DOCK10: variants seen among roughly 807,000 people sequenced by gnomAD.
The protein encoded by DOCK10 is dedicator of cytokinesis protein 10.
A neutral mutation model predicts 280.1 loss-of-function variants in DOCK10; 145 were observed. The observed-to-expected ratio is 0.52, with a 90% CI of 0.45 to 0.59. The LOEUF is 0.59. Ranked by LOEUF, DOCK10 falls within the 20% of genes least tolerant of loss-of-function variation. The pLI, the probability that DOCK10 is intolerant of heterozygous loss-of-function variation, is 0.00. For synonymous variants in DOCK10, 915 were observed against 942.2 expected (o/e 0.97, Z 0.53); for missense variants, 2,368 against 2,651.7 (o/e 0.89, Z 2.35).
intron 1 of DOCK10, among the ~76,000 whole-genome samples, chr2:224,994,670 G>A (rs1034756723): frequency 3.3e-5 from 5 of 152,132 alleles, no homozygotes; most frequent in Admixed American, 1.3e-4. Flanking sequence ...ATCCAGTGTC[G>A]ACAGACAAGA....
In DOCK10 at chr2:224,960,730, C is replaced by CTTTTTTTTTTTTTT. The variant is rs71281764; in HGVS notation, c.124-29076_124-29063dup. Among the ~76,000 whole-genome samples the CTTTTTTTTTTTTTT allele has an allele frequency of 2.8e-5, 2 of 70,258 alleles. 1 individual carries two copies. Among genetic ancestry groups the CTTTTTTTTTTTTTT allele is most frequent in the African/African-American group, 1.1e-4 (2 of 18,488 alleles). 46.1% of individuals were successfully genotyped at this position (70,258 alleles called of 152,430 possible). On this transcript the variant is annotated intron_variant, in intron 1 of 55. Coordinates refer to ENST00000258390, the MANE Select transcript of DOCK10 (RefSeq NM_014689.3). ...TGCACAATGAACGCATCACCAAATT[C>CTTTTTTTTTTTTTT]TTTTTTTTTTTTTTTTTTTTTTTTT...
chr2:224,845,701 C>T, intron 19 of DOCK10, 59 bp from the exon 20 acceptor site: 2 of 1,474,022 alleles, frequency 1.4e-6, no homozygotes, highest in East Asian at 4.6e-5. Context: ...AATATCAGAG[C>T]AAGACAAAGC....
chr2:224,769,029 C>T (rs1574779123), intron 55 of DOCK10: 4 of 423,632 alleles, frequency 9.4e-6, no homozygotes, highest in Non-Finnish European at 9.3e-6. Flanking sequence ...AGCATTCCTT[C>T]ACCACCTTCC....
At chr2:224,895,484 CA>C (rs1226607030) in intron 4 of DOCK10, among the ~76,000 whole-genome samples, 3 of 152,134 alleles carry the variant, frequency 2.0e-5, no homozygotes, top group African/African-American at 7.2e-5. Context: ...TGAGCAACTC[CA>C]AACCCATCCA....
In DOCK10 at chr2:224,805,371, C is replaced by T; in HGVS notation, c.3936+37G>A. On this transcript the variant is annotated intron_variant, in intron 35 of 55. Coordinates refer to ENST00000258390, the MANE Select transcript of DOCK10 (RefSeq NM_014689.3). The surrounding 1 kb of genome is among the most constrained non-coding windows in gnomAD (Gnocchi z 4.3). ...TTGAGTGAGAGTGAGTGACCTCTGC[C>T]TTGTAATGATCAGTAGGTTTGAGAG... The T allele has an allele frequency of 5.6e-6, 9 of 1,612,752 alleles. No homozygotes were observed. Among genetic ancestry groups the T allele is most frequent in the Non-Finnish European group, 7.6e-6 (9 of 1,179,182 alleles).
At chr2:224,788,960 A>G in intron 48 of DOCK10, 104 bp downstream of exon 48, 1 of 684,654 alleles carries the variant, frequency 1.5e-6, no homozygotes, top group South Asian at 2.2e-5. Context: ...ATTAAGTTAT[A>G]TTATAAAATA....
chr2:224,974,548 A>C (rs1705291707), intron 1 of DOCK10, among the ~76,000 whole-genome samples: 1 of 151,992 alleles, frequency 6.6e-6, no homozygotes, highest in Non-Finnish European at 1.5e-5. Flanking sequence ...CGTTTAGAGA[A>C]AATCCTAAAA....
At chr2:224,958,474 C>T (rs966510875) in intron 1 of DOCK10, among the ~76,000 whole-genome samples, 2 of 152,114 alleles carry the variant, frequency 1.3e-5, no homozygotes, top group Non-Finnish European at 2.9e-5. Context: ...GCCTCTCTTC[C>T]CCTGCACACT....
At chr2:224,767,346 T>C (rs1445960484) in intron 55 of DOCK10, among the ~76,000 whole-genome samples, 1 of 152,144 alleles carries the variant, frequency 6.6e-6, no homozygotes, top group Non-Finnish European at 1.5e-5. Context: ...GTATTTTTAG[T>C]AGAGATGGGA....
At chr2:225,017,096 G>T in intron 1 of DOCK10, among the ~76,000 whole-genome samples, 1 of 87,646 alleles carries the variant, frequency 1.1e-5, no homozygotes, top group Admixed American at 1.2e-4. Context: ...AGATGAAACT[G>T]AATAAAATTA....
intron 1 of DOCK10, among the ~76,000 whole-genome samples, chr2:225,025,061 C>T (rs528012796): frequency 5.9e-5 from 9 of 152,204 alleles, no homozygotes; most frequent in African/African-American, 1.4e-4. Flanking sequence ...AGTAAATAAA[C>T]GTTCTAGGAA....
chr2:224,807,774 G>A lies in DOCK10; in HGVS notation c.3596C>T (p.Ala1199Val). 3.8e-6 allele frequency: 6 copies of A among 1,568,752 alleles called. No individual in the cohort carries two copies. Among genetic ancestry groups the A allele is most frequent in the Non-Finnish European group, 4.3e-6 (5 of 1,155,818 alleles). ...DDRYREPRKQ[A>V]QIASLYMPLY... ...GGGCATGTATAAACTTGCTATCTGG[G>A]CCTGCTTTCTCTAGGAGAAAAGGTA... The change falls in exon 33 of 56, where the codon GCC (alanine) becomes GTC (valine). Residue 1199 changes from alanine (A) to valine (V), a missense_variant. Ala to Val is a moderately conservative substitution (Grantham distance 64). This residue lies in a region of DOCK10 where 1,159 missense variants were observed against 1,400.8 expected (regional missense o/e 0.83). Coordinates refer to ENST00000258390, the MANE Select transcript of DOCK10 (RefSeq NM_014689.3).
intron 1 of DOCK10, among the ~76,000 whole-genome samples, chr2:225,016,608 CATATATCT>C (rs1267726461): frequency 0.048 from 4,859 of 101,264 alleles, 665 homozygotes; most frequent in African/African-American, 0.11. Flanking sequence ...CACATAGATA[CATATATCT>C]ATGTGCACAT....
chr2:224,877,197 C>T (rs1574979436), intron 7 of DOCK10, among the ~76,000 whole-genome samples: 1 of 152,194 alleles, frequency 6.6e-6, no homozygotes, highest in African/African-American at 2.4e-5. Flanking sequence ...CTCAATTTTC[C>T]AGTCTAGGAC....
At chr2:224,825,904 C>T (rs1349824698) in intron 27 of DOCK10, among the ~76,000 whole-genome samples, 1 of 152,146 alleles carries the variant, frequency 6.6e-6, no homozygotes, top group African/African-American at 2.4e-5. Flanking sequence ...TCAAGGGGAA[C>T]AGGCCTGGGA....
At chr2:224,858,874 G>A (rs16866243) in intron 14 of DOCK10, among the ~76,000 whole-genome samples, 24,347 of 151,958 alleles carry the variant, frequency 0.16, 3,063 homozygotes, top group African/African-American at 0.36. Context: ...TAAGCTTTTC[G>A]TTTTCTTGCC....
intron 27 of DOCK10, among the ~76,000 whole-genome samples, chr2:224,829,765 T>C (rs1391071131): frequency 6.6e-6 from 1 of 151,862 alleles, no homozygotes; most frequent in Non-Finnish European, 1.5e-5. Flanking sequence ...CTAGTTAGAG[T>C]GAGAGGGATC....
Position 225,042,186 on chromosome 2 carries a change from G to T in DOCK10, c.123+66C>A, listed in dbSNP as rs1690451503. 1 of 1,220,032 alleles carries T rather than the reference G, an allele frequency of 8.2e-7. No individual in the cohort carries two copies. Among genetic ancestry groups the T allele is most frequent in the African/African-American group, 1.6e-5 (1 of 63,726 alleles). 75.6% of individuals were successfully genotyped at this position (1,220,032 alleles called of 1,614,324 possible). On this transcript the variant is annotated intron_variant, in intron 1 of 55. Transcript: ENST00000258390. The surrounding 1 kb of genome is among the most constrained non-coding windows in gnomAD (Gnocchi z 5.1). ...CTGGGCCCGCCGAGCTTTTGGGGAA[G>T]CTGGGCTCCGTTCCCCCCGGGCGCC...
At chr2:224,833,585 G>T (rs999871518) in intron 26 of DOCK10, among the ~76,000 whole-genome samples, 1 of 151,278 alleles carries the variant, frequency 6.6e-6, no homozygotes, top group Non-Finnish European at 1.5e-5. Context: ...CACTCACAAT[G>T]CCCAATTCTT....
Sources: allele counts gnomAD v4.1 joint callset (sites outside exome capture counted in the v4.1 genomes callset), GRCh38; gene constraint gnomAD v4.1.1; regional missense constraint gnomAD v4.1.1; non-coding constraint Gnocchi (gnomAD v3.1); transcripts MANE v1.5; gene names NCBI Gene and HGNC (gene_info 2026-07-23, HGNC 2026-07-21).